STIM2: variants seen among roughly 807,000 people sequenced by gnomAD.
STIM2 encodes stromal interaction molecule 2.
STIM2 carries 31 observed loss-of-function variants against 85.8 expected under a neutral mutation model. The ratio of observed to expected loss-of-function variants is 0.36; its 90% CI spans 0.27 to 0.49. The LOEUF is 0.49. Ranked by LOEUF, STIM2 falls within the 20% of genes least tolerant of loss-of-function variation. The pLI, the probability that STIM2 is intolerant of heterozygous loss-of-function variation, is 0.98. For synonymous variants in STIM2, 356 were observed against 331.1 expected, an observed-to-expected ratio of 1.08 and a Z score of -0.82; for missense variants, 841 against 927.6, an observed-to-expected ratio of 0.91 and a Z score of 1.21.
chr4:27,010,641 A>G (rs868372135), intron 10 of STIM2, among the ~76,000 whole-genome samples: 1 of 152,172 alleles, frequency 6.6e-6, no homozygotes, highest in African/African-American at 2.4e-5. Flanking sequence ...GGAAGGACGA[A>G]GGCTCTTCAT....
intron 1 of STIM2, among the ~76,000 whole-genome samples, chr4:26,865,070 T>C (rs1165420978): frequency 6.6e-6 from 1 of 152,182 alleles, no homozygotes; most frequent in African/African-American, 2.4e-5. Flanking sequence ...GAGAGACCTT[T>C]GTTCCTCTTA....
At chr4:26,975,858 G>A (rs1394099918) in intron 3 of STIM2, among the ~76,000 whole-genome samples, 1 of 152,198 alleles carries the variant, frequency 6.6e-6, no homozygotes, top group African/African-American at 2.4e-5. Context: ...TGCCCACAGA[G>A]GTGGAGTCTA....
At chr4:26,970,106 T>C (rs1195528482) in intron 3 of STIM2, among the ~76,000 whole-genome samples, 2 of 150,604 alleles carry the variant, frequency 1.3e-5, no homozygotes, top group Non-Finnish European at 3.0e-5. Context: ...TGCAAACCTC[T>C]TCAATGTCTG....
At chr4:26,952,310 T>C (rs1726083028) in intron 2 of STIM2, among the ~76,000 whole-genome samples, 1 of 152,176 alleles carries the variant, frequency 6.6e-6, no homozygotes, top group Admixed American at 6.6e-5. Flanking sequence ...TGCTGTTGTT[T>C]GTAGATTTAA....
intron 9 of STIM2, 73 bp from the exon 10 acceptor site, chr4:27,008,691 T>C: frequency 1.4e-6 from 2 of 1,416,742 alleles, no homozygotes; most frequent in Non-Finnish European, 2.0e-6. Flanking sequence ...GGTCTGTTCA[T>C]GTATTGCCTT....
At chr4:26,885,824 T>C (rs1341891048) in intron 1 of STIM2, among the ~76,000 whole-genome samples, 1 of 10,120 alleles carries the variant, frequency 9.9e-5, no homozygotes, top group South Asian at 2.5e-3. Context: ...CCTCAGGTTA[T>C]ATATATATAT....
chr4:26,934,656 G>A (rs1038803465), intron 2 of STIM2, among the ~76,000 whole-genome samples: 1 of 152,194 alleles, frequency 6.6e-6, no homozygotes, highest in African/African-American at 2.4e-5. Flanking sequence ...GCTCATGCCT[G>A]CAGTCCCAGC....
chr4:26,918,206 A>G (rs933636752), intron 1 of STIM2, among the ~76,000 whole-genome samples: 1 of 150,656 alleles, frequency 6.6e-6, no homozygotes, highest in Non-Finnish European at 1.5e-5. Context: ...TAATTGGAAC[A>G]TGTTAGGTAA....
intron 1 of STIM2, among the ~76,000 whole-genome samples, chr4:26,888,957 G>A (rs1723360688): frequency 6.6e-6 from 1 of 152,168 alleles, no homozygotes; most frequent in East Asian, 1.9e-4. Flanking sequence ...GAGGCATGAG[G>A]AGTTCAAAGT....
In STIM2 at chr4:26,971,902, CT is replaced by C. The variant is rs200855735; in HGVS notation, c.397+14177del. Among the ~76,000 whole-genome samples, 237 of 152,122 alleles carry C rather than the reference CT, an allele frequency of 1.6e-3. 1 individual carries two copies. Among genetic ancestry groups the C allele is most frequent in the African/African-American group, 5.4e-3 (226 of 41,494 alleles). ...GAATATTCTTCCATTTGTTTGTGTCCTCTTTTATTTCCTTGAGCAGTGATTT... is the reference window on the plus strand; with the variant it reads ...GAATATTCTTCCATTTGTTTGTGTCCCTTTTATTTCCTTGAGCAGTGATTT... On this transcript the variant is annotated intron_variant, in intron 3 of 11. Transcript: ENST00000467087.
intron 2 of STIM2, among the ~76,000 whole-genome samples, chr4:26,923,578 A>C (rs1314464901): frequency 7.3e-6 from 1 of 137,312 alleles, no homozygotes; most frequent in Non-Finnish European, 1.6e-5. Flanking sequence ...AATCATGCCA[A>C]AATGTAAAGA....
At chr4:26,932,427 T>TCACA (rs1725237810) in intron 2 of STIM2, among the ~76,000 whole-genome samples, 2 of 152,230 alleles carry the variant, frequency 1.3e-5, no homozygotes, top group Non-Finnish European at 2.9e-5. Flanking sequence ...CACAGATTTT[T>TCACA]CAGTGACTTT....
At chr4:26,979,729 T>C (rs979192331) in intron 3 of STIM2, among the ~76,000 whole-genome samples, 2 of 152,194 alleles carry the variant, frequency 1.3e-5, no homozygotes, top group Admixed American at 1.3e-4. Flanking sequence ...TTTTATTAAA[T>C]TTTAAGTAGT....
chr4:27,016,748 G>T (rs1373123561), intron 10 of STIM2, among the ~76,000 whole-genome samples: 1 of 152,170 alleles, frequency 6.6e-6, no homozygotes, highest in Non-Finnish European at 1.5e-5. Flanking sequence ...CCTAACGTGG[G>T]CCCAAAGCCT....
intron 1 of STIM2, among the ~76,000 whole-genome samples, chr4:26,891,128 C>G (rs1375880981): frequency 6.6e-6 from 1 of 152,156 alleles, no homozygotes; most frequent in Non-Finnish European, 1.5e-5. Flanking sequence ...TTGTGTGTGT[C>G]AACTTGGCTG....
At chr4:26,873,653 A>C (rs371644830) in intron 1 of STIM2, 1 of 651,814 alleles carries the variant, frequency 1.5e-6, no homozygotes, top group African/African-American at 1.8e-5. Context: ...TAAATGAGAG[A>C]GACGCTCATG....
intron 3 of STIM2, among the ~76,000 whole-genome samples, chr4:26,978,583 G>C (rs1321939431): frequency 6.6e-6 from 1 of 152,116 alleles, no homozygotes; most frequent in East Asian, 1.9e-4. Flanking sequence ...TGGCCAAAGA[G>C]AACTAGGAGT....
intron 2 of STIM2, among the ~76,000 whole-genome samples, chr4:26,953,213 A>C (rs780731318): frequency 1.1e-4 from 16 of 152,290 alleles, no homozygotes; most frequent in Non-Finnish European, 1.9e-4. Context: ...GAAACCTTAC[A>C]TAAATGTCTG....
In STIM2 at chr4:27,013,315, C is replaced by T. The variant is rs116742653; in HGVS notation, c.1489+4313C>T. ...ATTACAGTATATTATTATAATTGTT[C>T]TTTTTTATTATCTGTTATTAATCTC... On this transcript the variant is annotated intron_variant, in intron 10 of 11. Transcript: ENST00000467087. Among the ~76,000 whole-genome samples, 631 of 151,820 alleles carry T rather than the reference C, an allele frequency of 4.2e-3. 6 individuals are homozygous for T. Among genetic ancestry groups the T allele is most frequent in the African/African-American group, 0.014 (598 of 41,444 alleles).
Sources: gnomAD v4.1 joint callset for allele counts (sites outside exome capture counted in the v4.1 genomes callset) on GRCh38, gnomAD v4.1.1 for gene constraint, MANE v1.5 for transcripts, NCBI Gene and HGNC (gene_info 2026-07-23, HGNC 2026-07-21) for gene names.